Variants in RCC1L observed in about 807,000 individuals in gnomAD.
RCC1L encodes RCC1 like, also known as RCC1-like G exchanging factor-like protein.
In RCC1L, 46 loss-of-function variants were observed where a neutral mutation model predicts 58.6. The observed-to-expected ratio is 0.79, with a 90% CI of 0.62 to 1.00. The LOEUF (loss-of-function observed/expected upper bound fraction) is 1.00. Among genes scored for constraint, RCC1L ranks in the 50% least tolerant of loss-of-function variants. The pLI is 0.00. For synonymous variants in RCC1L, 281 were observed against 262.9 expected (o/e 1.07, Z -0.67); for missense variants, 636 against 623.6 (o/e 1.02, Z -0.21).
intron 4 of RCC1L, among the ~76,000 whole-genome samples, chr7:75,063,783 G>C (rs1020659470): frequency 6.6e-6 from 1 of 152,038 alleles, no homozygotes; most frequent in Non-Finnish European, 1.5e-5. Flanking sequence ...AGCCAAGTGC[G>C]GTGGCGGACG....
chr7:75,066,247 T>C (rs781973515), intron 3 of RCC1L, among the ~76,000 whole-genome samples: 15 of 151,858 alleles, frequency 9.9e-5, no homozygotes, highest in African/African-American at 2.4e-4. Context: ...GTCAGGAGAT[T>C]GAGACCATCC....
At chr7:75,036,999 G>A (rs1346535562) in intron 10 of RCC1L, among the ~76,000 whole-genome samples, 1 of 152,098 alleles carries the variant, frequency 6.6e-6, no homozygotes, top group Non-Finnish European at 1.5e-5. Context: ...TCCAGTCTGA[G>A]GCCCCAAGGA....
intron 2 of RCC1L, among the ~76,000 whole-genome samples, chr7:75,069,134 T>C (rs1554445653): frequency 6.6e-6 from 1 of 152,154 alleles, no homozygotes; most frequent in Admixed American, 6.5e-5. Context: ...CCCAAAGTGC[T>C]GGGATTACAG....
intron 1 of RCC1L, among the ~76,000 whole-genome samples, chr7:75,071,518 C>T (rs998123530): frequency 2.0e-5 from 3 of 151,982 alleles, no homozygotes; most frequent in Admixed American, 6.6e-5. Context: ...TGGTGGCGTG[C>T]GCCTGTAATC....
In RCC1L at chr7:75,030,667, C is replaced by T. The variant is rs972285520; in HGVS notation, c.1318-2588G>A. On this transcript the variant is annotated intron_variant, in intron 10 of 10. Coordinates refer to the RCC1L transcript ENST00000614461. ...CTGCTTGAGTGTCTTCACAATATGG[C>T]GCTCGGCTTCCCCCCAGAGCAAGAG... Among the ~76,000 whole-genome samples, 461 of 152,224 alleles carry T rather than the reference C, an allele frequency of 3.0e-3. 4 individuals are homozygous for T. The highest frequency in any genetic ancestry group is 0.027 in the Middle Eastern group (8 of 294).
intron 1 of RCC1L, 31 bp downstream of exon 1, chr7:75,073,383 A>C: frequency 1.0e-6 from 1 of 966,726 alleles, no homozygotes; most frequent in South Asian, 2.4e-5. Context: ...GAAGAGAGAG[A>C]AGGAGAGAAG....
chr7:75,045,318 T>G (rs1327160262), intron 10 of RCC1L, among the ~76,000 whole-genome samples: 2 of 152,052 alleles, frequency 1.3e-5, no homozygotes, highest in African/African-American at 4.8e-5. Context: ...TAGCTAGGAC[T>G]ACTGGCATGC....
rs1005028707 is a variant in RCC1L at position 75,042,354 on chromosome 7, G to C, written c.*678C>G. 1.0e-6 allele frequency: 1 copy of C among 985,464 alleles called. No individual in the cohort carries two copies. Among genetic ancestry groups the C allele is most frequent in the African/African-American group, 1.7e-5 (1 of 57,244 alleles). The allele number at this position is 985,464 out of a possible 1,614,324, so 61.0% of individuals were successfully genotyped here. The stretch of plus-strand genomic sequence containing the variant: ...CTTGGCGGATATGCTCGGGGCCCTC[G>C]GCGCAGAGGAACTTGGCCTCGATTC... On this transcript the variant is annotated 3_prime_UTR_variant, in exon 11 of 11. Coordinates refer to ENST00000610322, the MANE Select transcript of RCC1L (RefSeq NM_030798.5).
chr7:75,063,159 A>AG, intron 5 of RCC1L, 133 bp downstream of exon 5: 1 of 992,558 alleles, frequency 1.0e-6, no homozygotes, highest in South Asian at 1.3e-5. Flanking sequence ...TATAGTAAGT[A>AG]GGCTACAATT....
Position 75,064,679 on chromosome 7 carries a change from C to T in RCC1L, c.584-31G>A. The T allele has an allele frequency of 1.9e-6, 3 of 1,611,772 alleles. No homozygotes were observed. In the South Asian group the frequency reaches 3.3e-5, roughly 18 times the overall value. ...AATAACACCACCAATCAAATCAGTT[C>T]TGCAGGTTTGTGGGATCCTAGAATG... On this transcript the variant is annotated intron_variant, in intron 3 of 10. Transcript: ENST00000610322.
In RCC1L at chr7:75,058,780, G is replaced by A; in HGVS notation, c.788-11C>T. On this transcript the variant is annotated splice_polypyrimidine_tract_variant and intron_variant, in intron 6 of 10. Transcript: ENST00000610322. The stretch of plus-strand genomic sequence containing the variant: ...TGTAGTGACCCAGACCTAACACAGT[G>A]GAAAATACAGATTTTTAATTATTCG... 6.2e-7 allele frequency: 1 copy of A among 1,613,802 alleles called. No individual in the cohort carries two copies. Among genetic ancestry groups the A allele is most frequent in the Non-Finnish European group, 8.5e-7 (1 of 1,179,790 alleles).
At chr7:75,033,660 A>C (rs1805367167) in intron 10 of RCC1L, among the ~76,000 whole-genome samples, 1 of 150,812 alleles carries the variant, frequency 6.6e-6, no homozygotes, top group Admixed American at 6.7e-5. Flanking sequence ...ACGCCATTGC[A>C]CTCCAGCCTG....
chr7:75,034,798 G>A (rs972951439), intron 10 of RCC1L, among the ~76,000 whole-genome samples: 8 of 151,682 alleles, frequency 5.3e-5, no homozygotes, highest in South Asian at 2.1e-4. Flanking sequence ...AACTATAGGC[G>A]TGCACCACCA....
intron 3 of RCC1L, among the ~76,000 whole-genome samples, chr7:75,065,104 T>C (rs782125701): frequency 6.6e-6 from 1 of 152,038 alleles, no homozygotes; most frequent in East Asian, 1.9e-4. Flanking sequence ...TGTGCAACCT[T>C]CCAAGTGTGA....
At position 75,052,794 on chromosome 7, in the gene RCC1L, TG is replaced by T; in HGVS notation, c.1233del (p.Asn411LysfsTer30). 1 of 1,612,622 alleles carries T rather than the reference TG, an allele frequency of 6.2e-7. No individual in the cohort carries two copies. The highest frequency in any genetic ancestry group is 1.1e-5 in the South Asian group (1 of 90,618). ...TTGCCCCATACAAACAGCTCTCCTT[TG>T]TCTGCAAAGGGAGGAAAACAGGGGT... ...CGLSHFAALT[N>X]KGELFVWGKN... is the part of the protein sequence containing the mutation. On this transcript the variant is annotated frameshift_variant and splice_region_variant, in exon 10 of 11. Transcript: ENST00000610322. LOFTEE classifies it high-confidence loss of function.
At chr7:75,029,395 G>A (rs1188399736) in intron 10 of RCC1L, among the ~76,000 whole-genome samples, 8 of 148,588 alleles carry the variant, frequency 5.4e-5, no homozygotes, top group Non-Finnish European at 1.0e-4. Flanking sequence ...ACAGGCTGGA[G>A]TGCAGTGGTG....
intron 10 of RCC1L, among the ~76,000 whole-genome samples, chr7:75,045,296 C>T (rs1805687083): frequency 6.6e-6 from 1 of 152,132 alleles, no homozygotes; most frequent in Non-Finnish European, 1.5e-5. Context: ...CCTCCCACCT[C>T]ACCCTCCCAA....
rs928832960 is a variant in RCC1L at position 75,043,000 on chromosome 7, G to C, written c.*32C>G. On this transcript the variant is annotated 3_prime_UTR_variant, in exon 11 of 11. Coordinates refer to ENST00000610322, the MANE Select transcript of RCC1L (RefSeq NM_030798.5). ...CTGCCAAGGAGTGCCAGTGGTTCCCGGGACGGGGCCGCCCAAGCAGGTGAG... is the reference window on the plus strand; with the variant it reads ...CTGCCAAGGAGTGCCAGTGGTTCCCCGGACGGGGCCGCCCAAGCAGGTGAG... 3 of 1,613,966 alleles carry C rather than the reference G, an allele frequency of 1.9e-6. No individual in the cohort carries two copies. The highest frequency in any genetic ancestry group is 2.5e-6 in the Non-Finnish European group (3 of 1,179,854).
At chr7:75,033,326 G>C (rs1396371861) in intron 10 of RCC1L, among the ~76,000 whole-genome samples, 5 of 152,122 alleles carry the variant, frequency 3.3e-5, no homozygotes, top group African/African-American at 1.2e-4. Context: ...GAAGCAGGGA[G>C]GGACGGGAGA....
Sources: allele counts gnomAD v4.1 joint callset (sites outside exome capture counted in the v4.1 genomes callset), GRCh38; gene constraint gnomAD v4.1.1; transcripts MANE v1.5; gene names NCBI Gene and HGNC (gene_info 2026-07-23, HGNC 2026-07-21).